SLC30A7: variants seen among roughly 807,000 people sequenced by gnomAD.
SLC30A7 encodes the protein zinc transporter 7.
SLC30A7 carries 35 observed loss-of-function variants against 46.0 expected under a neutral mutation model. The ratio of observed to expected loss-of-function variants is 0.76; its 90% CI spans 0.58 to 1.01. The LOEUF (loss-of-function observed/expected upper bound fraction) is 1.01. SLC30A7 is among the 50% of genes least tolerant of loss of function. The pLI, the probability that SLC30A7 is intolerant of heterozygous loss-of-function variation, is 0.00. For missense variants in SLC30A7, 464 were observed against 451.1 expected (o/e 1.03, Z -0.26); for synonymous variants, 147 against 157.8 (o/e 0.93, Z 0.51).
At chr1:100,918,189 T>G (rs926817791) in intron 7 of SLC30A7, 62 bp downstream of exon 7, 26 of 1,390,366 alleles carry the variant, frequency 1.9e-5, no homozygotes, top group Non-Finnish European at 4.1e-6. Context: ...TTTTGAAGTT[T>G]TAGTTGTCTG....
intron 8 of SLC30A7, among the ~76,000 whole-genome samples, chr1:100,940,532 A>C (rs1291425672): frequency 6.6e-6 from 1 of 152,228 alleles, no homozygotes; most frequent in Non-Finnish European, 1.5e-5. Context: ...TAACATTTCT[A>C]ATATAAAGAG....
At chr1:100,924,501 TG>T (rs1234548274) in intron 8 of SLC30A7, among the ~76,000 whole-genome samples, 3 of 152,192 alleles carry the variant, frequency 2.0e-5, no homozygotes, top group African/African-American at 7.2e-5. Flanking sequence ...AAGCATTTCC[TG>T]ATTCTCTACC....
At chr1:100,901,784 A>G (rs1484402450) in intron 2 of SLC30A7, among the ~76,000 whole-genome samples, 1 of 152,218 alleles carries the variant, frequency 6.6e-6, no homozygotes, top group African/African-American at 2.4e-5. Context: ...TAGTCATTTA[A>G]AAGAGTTTAC....
chr1:100,962,439 T>C (rs537316472), intron 9 of SLC30A7, among the ~76,000 whole-genome samples: 1 of 152,344 alleles, frequency 6.6e-6, no homozygotes, highest in East Asian at 1.9e-4. Context: ...AATTGAAACC[T>C]TGAAGACAAG....
chr1:100,906,697 A>G (rs2101009344), intron 2 of SLC30A7, among the ~76,000 whole-genome samples, 155 bp from the exon 3 acceptor site: 1 of 152,296 alleles, frequency 6.6e-6, no homozygotes, highest in African/African-American at 2.4e-5. Flanking sequence ...TTAGATATTT[A>G]AAACTTATCC....
chr1:100,940,675 AGACACAT>A lies in SLC30A7; in HGVS notation c.842+18835_842+18841del, dbSNP rs1654285188. ...ATGTGATTAATTAATTTATTTTTAA[AGACACAT>A]TCAGTGTCATGATCGGACTATAACA... is the stretch of plus-strand genomic sequence containing the variant. On this transcript the variant is annotated intron_variant, in intron 8 of 10. Transcript: ENST00000357650. 2.0e-5 allele frequency among the ~76,000 whole-genome samples: 3 copies of A among 152,366 alleles called. No homozygotes were observed. The South Asian group carries it at 6.2e-4, about 32-fold the overall frequency.
At chr1:100,932,136 T>C (rs1557991173) in intron 8 of SLC30A7, among the ~76,000 whole-genome samples, 1 of 152,180 alleles carries the variant, frequency 6.6e-6, no homozygotes, top group East Asian at 1.9e-4. Context: ...GCTTAATGGC[T>C]GGGCACGGTT....
chr1:100,902,422 TGGCAATATTTGG>T (rs1651364376), intron 2 of SLC30A7, among the ~76,000 whole-genome samples: 1 of 152,208 alleles, frequency 6.6e-6, no homozygotes. Context: ...TTTTGCATTA[TGGCAATATTTGG>T]TTTATGTTGG....
intron 2 of SLC30A7, among the ~76,000 whole-genome samples, chr1:100,902,099 T>G (rs1234958847): frequency 2.0e-5 from 3 of 152,206 alleles, no homozygotes; most frequent in African/African-American, 7.2e-5. Context: ...AGTAGACTGT[T>G]TTTCCCATGA....
At chr1:100,920,439 TC>T (rs1261313727) in intron 7 of SLC30A7, among the ~76,000 whole-genome samples, 1 of 152,056 alleles carries the variant, frequency 6.6e-6, no homozygotes, top group Non-Finnish European at 1.5e-5. Context: ...AAAATTTATT[TC>T]TTTTGGAAAT....
chr1:100,919,312 C>G (rs1570530067), intron 7 of SLC30A7, among the ~76,000 whole-genome samples: 1 of 152,068 alleles, frequency 6.6e-6, no homozygotes, highest in Non-Finnish European at 1.5e-5. Context: ...TCAGGGTTTC[C>G]TAATTCCCAG....
At chr1:100,941,702 G>A (rs537645973) in intron 8 of SLC30A7, 42 of 643,836 alleles carry the variant, frequency 6.5e-5, no homozygotes, top group Admixed American at 3.3e-4. Context: ...GCTCTCTTTG[G>A]TTCCACAACT....
chr1:100,973,542 G>A lies in SLC30A7; in HGVS notation c.1084-1268G>A, dbSNP rs766715258. Among the ~76,000 whole-genome samples, 7 of 151,980 alleles carry A rather than the reference G, an allele frequency of 4.6e-5. No individual in the cohort carries two copies. The East Asian group carries it at 9.6e-4, about 21-fold the overall frequency. ...AGAAGAAGACCAAATCCTTTATCTC[G>A]GAGACATTATATTATAGTGAGAGGT... On this transcript the variant is annotated intron_variant, in intron 10 of 10. Coordinates refer to ENST00000357650, the MANE Select transcript of SLC30A7 (RefSeq NM_133496.5).
At chr1:100,971,078 G>C (rs1656136629) in intron 10 of SLC30A7, among the ~76,000 whole-genome samples, 1 of 151,972 alleles carries the variant, frequency 6.6e-6, no homozygotes, top group African/African-American at 2.4e-5. Context: ...AGCTTTTTGT[G>C]CTCTATTCTC....
At chr1:100,939,632 C>T (rs1022235559) in intron 8 of SLC30A7, among the ~76,000 whole-genome samples, 9 of 149,666 alleles carry the variant, frequency 6.0e-5, no homozygotes, top group African/African-American at 2.0e-4. Flanking sequence ...GTCAGGAGAT[C>T]GAGACCAACC....
chr1:100,958,899 A>G lies in SLC30A7; in HGVS notation c.843-2929A>G, dbSNP rs142164432. Reference sequence around the variant, plus strand: ...TATAGGTAGCACAGATTTTTTTCATAGGAACACAGAGAAGACACTTCATAC... The same window carrying G: ...TATAGGTAGCACAGATTTTTTTCATGGGAACACAGAGAAGACACTTCATAC... On this transcript the variant is annotated intron_variant, in intron 8 of 10. Transcript: ENST00000357650. Among the ~76,000 whole-genome samples the G allele has an allele frequency of 5.3e-5, 8 of 152,298 alleles. No homozygotes were observed. The East Asian group carries it at 1.5e-3, about 29-fold the overall frequency.
chr1:100,969,825 A>G (rs1319819843), intron 10 of SLC30A7, among the ~76,000 whole-genome samples: 3 of 152,150 alleles, frequency 2.0e-5, no homozygotes, highest in Non-Finnish European at 4.4e-5. Context: ...TCATTCCTAC[A>G]TTTAATGATT....
intron 8 of SLC30A7, among the ~76,000 whole-genome samples, chr1:100,953,036 TTG>T (rs990973431): frequency 3.9e-5 from 6 of 152,028 alleles, no homozygotes; most frequent in African/African-American, 1.2e-4. Context: ...CTTGCTGTTC[TTG>T]TGATAGTGAG....
chr1:100,975,487 A>G lies in SLC30A7; in HGVS notation c.*630A>G. 6.6e-6 allele frequency: 1 copy of G among 152,616 alleles called. No homozygotes were observed. The highest frequency in any genetic ancestry group is 1.5e-5 in the Non-Finnish European group (1 of 68,038). 9.5% of individuals were successfully genotyped at this position (152,616 alleles called of 1,614,324 possible). A position where few individuals can be genotyped will look rare whatever the true frequency, so the allele number is the denominator to read the frequency against. On this transcript the variant is annotated 3_prime_UTR_variant, in exon 11 of 11. Transcript: ENST00000357650. The stretch of plus-strand genomic sequence containing the variant: ...TGTATCCAAAAATGTATTTGCCAGC[A>G]TAGAAATGTACCATCAAGAGTCATG...
Sources: gnomAD v4.1 joint callset for allele counts (sites outside exome capture counted in the v4.1 genomes callset) on GRCh38, gnomAD v4.1.1 for gene constraint, MANE v1.5 for transcripts, NCBI Gene and HGNC (gene_info 2026-07-23, HGNC 2026-07-21) for gene names.